Variants in PRKG1 observed in about 807,000 individuals in gnomAD.
The protein encoded by PRKG1 is cGMP-dependent protein kinase 1.
A neutral mutation model predicts 88.1 loss-of-function variants in PRKG1; 35 were observed. That is an observed-to-expected ratio of 0.40 (90% CI 0.30 to 0.53). The LOEUF (loss-of-function observed/expected upper bound fraction) is 0.53, where lower values mean the gene tolerates loss of function less well. Ranked by LOEUF, PRKG1 falls within the 20% of genes least tolerant of loss-of-function variation. PRKG1 has a pLI of 0.59. For synonymous variants in PRKG1, 303 were observed against 292.5 expected (o/e 1.04, Z -0.37); for missense variants, 540 against 839.8 (o/e 0.64, Z 4.41).
intron 9 of PRKG1, among the ~76,000 whole-genome samples, chr10:52,212,400 C>T (rs1840001845): frequency 6.6e-6 from 1 of 152,098 alleles, no homozygotes; most frequent in Admixed American, 6.6e-5. Flanking sequence ...TTTAGGCTAA[C>T]CTTAATTTAA....
intron 5 of PRKG1, among the ~76,000 whole-genome samples, chr10:52,032,815 C>A (rs1845503908): frequency 6.6e-6 from 1 of 152,098 alleles, no homozygotes; most frequent in Non-Finnish European, 1.5e-5. Flanking sequence ...CTGAATTGGA[C>A]ATATCTTCAT....
intron 9 of PRKG1, among the ~76,000 whole-genome samples, chr10:52,192,756 T>C (rs1839398292): frequency 6.6e-6 from 1 of 152,064 alleles, no homozygotes; most frequent in Non-Finnish European, 1.5e-5. Flanking sequence ...AAAAAAAATA[T>C]ATATTTGTTT....
At chr10:51,302,826 T>A (rs760123822) in intron 2 of PRKG1, 2 of 152,168 alleles carry the variant, frequency 1.3e-5, no homozygotes, top group Non-Finnish European at 2.9e-5. Context: ...ATCACTATAG[T>A]AAGTCTATAA....
chr10:51,355,684 A>T (rs991491224), intron 2 of PRKG1, among the ~76,000 whole-genome samples: 11 of 151,994 alleles, frequency 7.2e-5, no homozygotes, highest in African/African-American at 2.7e-4. Context: ...TTCATGAAAG[A>T]CTGTCTAGTG....
intron 2 of PRKG1, among the ~76,000 whole-genome samples, chr10:51,418,908 A>G (rs1838324433): frequency 6.6e-6 from 1 of 152,162 alleles, no homozygotes; most frequent in South Asian, 2.1e-4. Flanking sequence ...GGGAAAGACT[A>G]TTGTTTAGGA....
intron 2 of PRKG1, among the ~76,000 whole-genome samples, chr10:51,335,510 G>A (rs891690295): frequency 2.6e-5 from 4 of 151,684 alleles, no homozygotes; most frequent in African/African-American, 9.7e-5. Flanking sequence ...TATAATTTAG[G>A]TACACTTTTA....
intron 4 of PRKG1, among the ~76,000 whole-genome samples, chr10:51,869,456 A>T (rs1841101744): frequency 1.3e-5 from 2 of 152,132 alleles, no homozygotes; most frequent in African/African-American, 4.8e-5. Context: ...AGCATTCTAA[A>T]TAAAACTTCC....
At chr10:51,665,681 T>A (rs1371405989) in intron 3 of PRKG1, among the ~76,000 whole-genome samples, 1 of 152,106 alleles carries the variant, frequency 6.6e-6, no homozygotes, top group Non-Finnish European at 1.5e-5. Flanking sequence ...TATTTTTATT[T>A]TTTTTTTGTC....
intron 3 of PRKG1, among the ~76,000 whole-genome samples, chr10:51,730,910 CTT>C (rs1842256259): frequency 6.6e-6 from 1 of 152,190 alleles, no homozygotes; most frequent in Non-Finnish European, 1.5e-5. Flanking sequence ...AATCCCAGCA[CTT>C]TGGGAGGCCG....
intron 2 of PRKG1, among the ~76,000 whole-genome samples, chr10:51,331,493 A>G (rs751253465): frequency 3.9e-5 from 6 of 152,130 alleles, no homozygotes; most frequent in Non-Finnish European, 7.4e-5. Context: ...GGTCCAAGGC[A>G]AAGTCCTGTG....
At chr10:52,001,710 A>G in intron 5 of PRKG1, among the ~76,000 whole-genome samples, 1 of 152,086 alleles carries the variant, frequency 6.6e-6, no homozygotes, top group East Asian at 1.9e-4. Flanking sequence ...AAGTAAAAGG[A>G]AATAAAAATA....
intron 2 of PRKG1, among the ~76,000 whole-genome samples, chr10:51,346,957 G>A (rs34033351): frequency 0.011 from 1,703 of 152,020 alleles, 13 homozygotes; most frequent in Middle Eastern, 0.031. Flanking sequence ...ACATAGAATG[G>A]GCTTCAAAGC....
chr10:51,302,567 T>TTG (rs1424231507), intron 2 of PRKG1: 2 of 151,828 alleles, frequency 1.3e-5, no homozygotes, highest in Admixed American at 1.3e-4. Flanking sequence ...TTTTTTTTTT[T>TTG]TTTAACGAGC....
At chr10:51,994,465 A>G (rs1262725718) in intron 5 of PRKG1, among the ~76,000 whole-genome samples, 1 of 152,146 alleles carries the variant, frequency 6.6e-6, no homozygotes, top group Non-Finnish European at 1.5e-5. Context: ...CTTTCTGCCT[A>G]TCTAAGAACC....
chr10:51,015,922 C>T (rs888602707), intron 1 of PRKG1, among the ~76,000 whole-genome samples: 1 of 152,068 alleles, frequency 6.6e-6, no homozygotes, highest in Admixed American at 6.6e-5. Context: ...AGGAAGCCCT[C>T]TGAAGGGTCT....
intron 5 of PRKG1, among the ~76,000 whole-genome samples, chr10:51,994,454 C>A (rs1183640228): frequency 1.3e-5 from 2 of 152,120 alleles, no homozygotes; most frequent in Non-Finnish European, 2.9e-5. Context: ...ATTATCCTTA[C>A]CTTTCTGCCT....
At chr10:51,258,794 T>C (rs566881849) in intron 2 of PRKG1, among the ~76,000 whole-genome samples, 1 of 152,362 alleles carries the variant, frequency 6.6e-6, no homozygotes, top group African/African-American at 2.4e-5. Context: ...ATCTACCCAC[T>C]TGGCAAATGC....
At chr10:51,166,794 C>T (rs1846555283) in intron 2 of PRKG1, among the ~76,000 whole-genome samples, 1 of 152,084 alleles carries the variant, frequency 6.6e-6, no homozygotes, top group Admixed American at 6.6e-5. Context: ...GGTGTGTTTC[C>T]ACCTGCAGAA....
intron 7 of PRKG1, among the ~76,000 whole-genome samples, chr10:52,118,410 C>G (rs10762570): frequency 2.0e-5 from 3 of 151,624 alleles, no homozygotes; most frequent in African/African-American, 7.3e-5. Flanking sequence ...TACATATCTA[C>G]ATAGAGAAAT....
Sources: gnomAD v4.1 joint callset for allele counts (sites outside exome capture counted in the v4.1 genomes callset) on GRCh38, gnomAD v4.1.1 for gene constraint, MANE v1.5 for transcripts, NCBI Gene and HGNC (gene_info 2026-07-23, HGNC 2026-07-21) for gene names.